The following PPM1H variants were observed in gnomAD, a reference collection of about 807,000 sequenced individuals.
PPM1H encodes the protein protein phosphatase 1H.
Under a neutral mutation model 54.9 loss-of-function variants are expected in PPM1H, and 27 were observed. The observed-to-expected ratio is 0.49, with a 90% CI of 0.36 to 0.68. The LOEUF is 0.68. Among genes scored for constraint, PPM1H ranks in the 30% least tolerant of loss-of-function variants. PPM1H has a pLI of 0.00. For synonymous variants in PPM1H, 305 were observed against 270.8 expected (o/e 1.13, Z -1.24); for missense variants, 596 against 667.8 (o/e 0.89, Z 1.19).
chr12:62,916,358 AATAAC>A (rs1871622333), intron 1 of PPM1H, among the ~76,000 whole-genome samples: 1 of 152,230 alleles, frequency 6.6e-6, no homozygotes, highest in Non-Finnish European at 1.5e-5. Context: ...CAAACCATTT[AATAAC>A]ATAACACAAT....
chr12:62,848,755 A>G (rs1565808651), intron 1 of PPM1H, among the ~76,000 whole-genome samples: 1 of 152,146 alleles, frequency 6.6e-6, no homozygotes, highest in Admixed American at 6.5e-5. Flanking sequence ...TACGTGATAT[A>G]CCCTTAGTTT....
intron 2 of PPM1H, among the ~76,000 whole-genome samples, chr12:62,823,019 G>C (rs1166659429): frequency 6.6e-6 from 1 of 152,070 alleles, no homozygotes; most frequent in Non-Finnish European, 1.5e-5. Context: ...AAAAAGAAAA[G>C]AGAGAAGAAT....
chr12:62,719,949 T>C (rs2076254610), intron 6 of PPM1H, among the ~76,000 whole-genome samples: 1 of 152,164 alleles, frequency 6.6e-6, no homozygotes, highest in South Asian at 2.1e-4. Context: ...TGGGGTCCAA[T>C]ATCCCCAAGG....
At chr12:62,671,407 G>A (rs574419059) in intron 8 of PPM1H, among the ~76,000 whole-genome samples, 1 of 152,146 alleles carries the variant, frequency 6.6e-6, no homozygotes, top group African/African-American at 2.4e-5. Flanking sequence ...AATATAATCT[G>A]AGCAGCTAAA....
intron 1 of PPM1H, among the ~76,000 whole-genome samples, chr12:62,878,163 G>A (rs1279762834): frequency 6.6e-6 from 1 of 152,184 alleles, no homozygotes; most frequent in Non-Finnish European, 1.5e-5. Flanking sequence ...CTCCCAAAGT[G>A]CTGGGATTAC....
At chr12:62,714,149 A>C (rs2076223189) in intron 6 of PPM1H, among the ~76,000 whole-genome samples, 1 of 152,126 alleles carries the variant, frequency 6.6e-6, no homozygotes, top group Admixed American at 6.5e-5. Context: ...TGCATGGTCC[A>C]ATTCAGCAGC....
chr12:62,777,450 T>A (rs1285682400), intron 4 of PPM1H, among the ~76,000 whole-genome samples: 1 of 152,184 alleles, frequency 6.6e-6, no homozygotes, highest in Non-Finnish European at 1.5e-5. Flanking sequence ...ATGGAAGGCA[T>A]AAAAATATTC....
At chr12:62,798,879 C>T (rs969570763) in intron 3 of PPM1H, among the ~76,000 whole-genome samples, 1 of 152,172 alleles carries the variant, frequency 6.6e-6, no homozygotes, top group African/African-American at 2.4e-5. Flanking sequence ...TGAGCCCCCA[C>T]ACCCCAGCAT....
intron 1 of PPM1H, among the ~76,000 whole-genome samples, chr12:62,839,884 A>AAAAACAAAAAAC (rs1565805567): frequency 1.1e-4 from 17 of 150,270 alleles, no homozygotes; most frequent in South Asian, 4.2e-4. Context: ...CAAAAAAAAA[A>AAAAACAAAAAAC]AAAAAACACC....
In PPM1H at chr12:62,893,502, G is replaced by T. The variant is rs148900994; in HGVS notation, c.245+40990C>A. Among the ~76,000 whole-genome samples, 475 of 151,946 alleles carry T rather than the reference G, an allele frequency of 3.1e-3. 3 individuals carry two copies. Among genetic ancestry groups the T allele is most frequent in the African/African-American group, 0.011 (453 of 41,424 alleles). ...GACAGGGTTTCACTCTGTTGCCCTA[G>T]CTGAAGTGCAATGACATGATCATGG... On this transcript the variant is annotated intron_variant, in intron 1 of 9. Coordinates refer to ENST00000228705, the MANE Select transcript of PPM1H (RefSeq NM_020700.2).
At chr12:62,868,291 C>T (rs1239139953) in intron 1 of PPM1H, among the ~76,000 whole-genome samples, 4 of 152,156 alleles carry the variant, frequency 2.6e-5, no homozygotes, top group African/African-American at 4.8e-5. Flanking sequence ...TTATAGATTC[C>T]CTGTAAAGAC....
At chr12:62,695,236 G>A (rs1382175977) in intron 6 of PPM1H, among the ~76,000 whole-genome samples, 1 of 152,162 alleles carries the variant, frequency 6.6e-6, no homozygotes, top group African/African-American at 2.4e-5. Context: ...TTCCCATGGG[G>A]TGGAGAATCA....
At chr12:62,674,278 G>A (rs958999547) in intron 8 of PPM1H, among the ~76,000 whole-genome samples, 7 of 152,104 alleles carry the variant, frequency 4.6e-5, no homozygotes, top group Non-Finnish European at 1.0e-4. Context: ...ATTTAAAACA[G>A]CAGTGACTGG....
At chr12:62,930,663 G>A (rs1872104130) in intron 1 of PPM1H, among the ~76,000 whole-genome samples, 1 of 152,202 alleles carries the variant, frequency 6.6e-6, no homozygotes, top group South Asian at 2.1e-4. Flanking sequence ...CTCCACTTGG[G>A]TGGTATTTGA....
chr12:62,670,748 A>C (rs1457264878), intron 8 of PPM1H, among the ~76,000 whole-genome samples: 1 of 152,216 alleles, frequency 6.6e-6, no homozygotes, highest in African/African-American at 2.4e-5. Flanking sequence ...GCCAACATGA[A>C]AATCCTTCTC....
At chr12:62,766,593 C>T (rs990639013) in intron 4 of PPM1H, among the ~76,000 whole-genome samples, 2 of 152,026 alleles carry the variant, frequency 1.3e-5, no homozygotes, top group African/African-American at 2.4e-5. Context: ...TGCTCTCAGT[C>T]CCCAGGCTTT....
At chr12:62,767,879 C>A (rs2076553533) in intron 4 of PPM1H, among the ~76,000 whole-genome samples, 1 of 152,180 alleles carries the variant, frequency 6.6e-6, no homozygotes, top group Non-Finnish European at 1.5e-5. Context: ...TCTCTACCTC[C>A]ATTTCCTCCA....
intron 9 of PPM1H, among the ~76,000 whole-genome samples, chr12:62,661,949 T>C (rs549040584): frequency 0.066 from 10,102 of 152,320 alleles, 420 homozygotes; most frequent in African/African-American, 0.097. Flanking sequence ...TTCATCCATC[T>C]GATATAGGAT....
intron 1 of PPM1H, among the ~76,000 whole-genome samples, chr12:62,892,248 T>C (rs1565821680): frequency 1.3e-5 from 2 of 152,212 alleles, no homozygotes; most frequent in African/African-American, 2.4e-5. Context: ...GTTTGATAAA[T>C]TGATGTTCTA....
Sources: gnomAD v4.1 joint callset for allele counts (sites outside exome capture counted in the v4.1 genomes callset) on GRCh38, gnomAD v4.1.1 for gene constraint, MANE v1.5 for transcripts, NCBI Gene and HGNC (gene_info 2026-07-23, HGNC 2026-07-21) for gene names.